Variants in NEK5 observed in about 807,000 individuals in gnomAD.
NEK5 encodes serine/threonine-protein kinase Nek5.
In NEK5, 88 loss-of-function variants were observed where a neutral mutation model predicts 109.2. The observed-to-expected ratio is 0.81, with a 90% CI of 0.68 to 0.96. NEK5 has a LOEUF of 0.96. Ranked by LOEUF, NEK5 falls within the 40% of genes least tolerant of loss-of-function variation. NEK5 has a pLI of 0.00. For synonymous variants in NEK5, 283 were observed against 299.9 expected (o/e 0.94, Z 0.58); for missense variants, 834 against 920.7 (o/e 0.91, Z 1.22).
intron 7 of NEK5, among the ~76,000 whole-genome samples, chr13:52,109,786 C>T (rs1955722339): frequency 6.6e-6 from 1 of 152,162 alleles, no homozygotes; most frequent in African/African-American, 2.4e-5. Context: ...AGTTTTTAAT[C>T]TACCTATGAC....
intron 20 of NEK5, among the ~76,000 whole-genome samples, 168 bp downstream of exon 20, chr13:52,071,776 C>A (rs1032356802): frequency 6.6e-6 from 1 of 152,140 alleles, no homozygotes; most frequent in Non-Finnish European, 1.5e-5. Flanking sequence ...GGGAGTGTGG[C>A]CACTGCATGG....
intron 17 of NEK5, among the ~76,000 whole-genome samples, chr13:52,080,344 G>A (rs1296211983): frequency 6.7e-6 from 1 of 149,362 alleles, no homozygotes. Flanking sequence ...GCCCCTACTG[G>A]GAAGTGAGAA....
intron 4 of NEK5, among the ~76,000 whole-genome samples, chr13:52,116,235 C>T (rs1443300460): frequency 2.0e-5 from 3 of 150,524 alleles, no homozygotes; most frequent in Non-Finnish European, 4.4e-5. Context: ...ATCTTCCAAT[C>T]ACTTGCTGTA....
rs751514665 is a variant in NEK5, at chr13:52,101,964, T to G, written c.861A>C (p.Pro287=). 1 of 1,614,200 alleles carries G rather than the reference T, an allele frequency of 6.2e-7. No homozygotes were observed. Among genetic ancestry groups the G allele is most frequent in the Non-Finnish European group, 8.5e-7 (1 of 1,180,036 alleles). The part of the protein sequence containing the change: ...SHMLICRAGA[P]ASRHAGKVVQ... ...CCACCTTCCCAGCATGTCGAGAAGC[T>G]GGCGCTCCTGCTCTGCATATAAGCA... Residue 287 remains proline, a synonymous_variant, in exon 11 of 24, where the codon CCA becomes CCC. Coordinates refer to ENST00000684899, the MANE Select transcript of NEK5 (RefSeq NM_001365552.1).
chr13:52,045,130 C>CTTTTTTT (rs374051509), intron 23 of NEK5, among the ~76,000 whole-genome samples: 5 of 108,698 alleles, frequency 4.6e-5, no homozygotes, highest in Non-Finnish European at 7.1e-5. Context: ...AATAAAAAAT[C>CTTTTTTT]TTTTTTTTTT....
At chr13:52,101,906 T>C (rs1381954758) in intron 11 of NEK5, 27 bp downstream of exon 11, 1 of 1,581,436 alleles carries the variant, frequency 6.3e-7, no homozygotes, top group Non-Finnish European at 8.7e-7. Context: ...ATAAATACTT[T>C]TGATTGCATG....
chr13:52,104,665 C>G, intron 8 of NEK5, 113 bp from the exon 9 acceptor site: 1 of 737,078 alleles, frequency 1.4e-6, no homozygotes, highest in South Asian at 1.6e-5. Context: ...GTAAGTTGAT[C>G]AGCTTTTACA....
rs555796598 is a variant in NEK5 at position 52,105,376 on chromosome 13, G to C, written c.555-824C>G. On this transcript the variant is annotated intron_variant, in intron 8 of 23. Transcript: ENST00000684899. Reference sequence around the variant, plus strand: ...AGATTGGTGGGAAACAAATTTGTGGGATTTTTTTTAATAATTTTTTTTTTC... The same window carrying C: ...AGATTGGTGGGAAACAAATTTGTGGCATTTTTTTTAATAATTTTTTTTTTC... Among the ~76,000 whole-genome samples, 6 of 151,960 alleles carry C rather than the reference G, an allele frequency of 3.9e-5. No homozygotes were observed. The South Asian group carries it at 8.3e-4, about 21-fold the overall frequency.
rs1276559755 is a variant in NEK5 at position 52,064,242 on chromosome 13, C to T, written c.1975+1242G>A. Among the ~76,000 whole-genome samples the T allele has an allele frequency of 8.8e-3, 1,249 of 142,120 alleles. 2 individuals are homozygous for T. The highest frequency in any genetic ancestry group is 0.032 in the African/African-American group (1,194 of 37,884). The allele number at this position is 142,120 out of a possible 152,430, so 93.2% of individuals were successfully genotyped here. On this transcript the variant is annotated intron_variant, in intron 21 of 23. Transcript: ENST00000684899. ...GAGGGAGGTGGGGGGGTCAGCCCCCCGCCCAGCCAGCCGCCCCGTCCGGGA... is the reference window on the plus strand; with the variant it reads ...GAGGGAGGTGGGGGGGTCAGCCCCCTGCCCAGCCAGCCGCCCCGTCCGGGA...
chr13:52,074,081 C>T (rs932082500), intron 19 of NEK5, among the ~76,000 whole-genome samples: 1 of 152,020 alleles, frequency 6.6e-6, no homozygotes, highest in African/African-American at 2.4e-5. Context: ...AACACTATTC[C>T]TGTCAAACTA....
At chr13:52,062,304 T>A (rs1954619927) in intron 21 of NEK5, among the ~76,000 whole-genome samples, 1 of 152,212 alleles carries the variant, frequency 6.6e-6, no homozygotes, top group Non-Finnish European at 1.5e-5. Flanking sequence ...CATGTACAAA[T>A]TTTAGCTCCC....
Position 52,099,833 on chromosome 13 carries a change from T to C in NEK5, c.936A>G (p.Pro312=), listed in dbSNP as rs560363980. The C allele has an allele frequency of 1.6e-5, 26 of 1,613,882 alleles. 2 individuals are homozygous for C. The South Asian group carries it at 2.9e-4, about 18-fold the overall frequency. The change falls in exon 12 of 24, where the codon CCA becomes CCG. Residue 312 remains proline, a synonymous_variant. Coordinates refer to ENST00000684899, the MANE Select transcript of NEK5 (RefSeq NM_001365552.1). The part of the protein sequence containing the change: ...QKVRFQGKCP[P]RSRISVPIKR... ...TAATTGGCACAGATATCCTTGATCT[T>C]GGTGGGCACTTTCCCTGGAATCTCA...
chr13:52,119,902 C>T (rs1955936041), intron 3 of NEK5, among the ~76,000 whole-genome samples: 1 of 152,142 alleles, frequency 6.6e-6, no homozygotes, highest in South Asian at 2.1e-4. Context: ...TCTTGCATGA[C>T]TTCATTTTAG....
At chr13:52,068,389 A>T (rs528809416) in intron 20 of NEK5, among the ~76,000 whole-genome samples, 2 of 152,106 alleles carry the variant, frequency 1.3e-5, no homozygotes, top group South Asian at 4.1e-4. Context: ...TAAATACCTC[A>T]GTAAGGTTTT....
intron 22 of NEK5, among the ~76,000 whole-genome samples, chr13:52,052,406 G>A (rs1031485329): frequency 2.0e-5 from 3 of 152,156 alleles, no homozygotes; most frequent in Admixed American, 2.0e-4. Flanking sequence ...TGAACACTTG[G>A]AGGTTATGGG....
chr13:52,043,154 T>A (rs1293769249), intron 23 of NEK5, among the ~76,000 whole-genome samples: 2 of 151,908 alleles, frequency 1.3e-5, no homozygotes, highest in Non-Finnish European at 2.9e-5. Context: ...AAATAGAACT[T>A]AATGCAAACA....
intron 13 of NEK5, among the ~76,000 whole-genome samples, chr13:52,092,452 T>C (rs997180018): frequency 6.6e-6 from 1 of 150,892 alleles, no homozygotes; most frequent in East Asian, 1.9e-4. Flanking sequence ...AGGCTGGGAA[T>C]AGTGGCTCTT....
intron 17 of NEK5, chr13:52,082,376 G>C: frequency 8.5e-7 from 1 of 1,175,150 alleles, no homozygotes; most frequent in Non-Finnish European, 1.1e-6. Context: ...TTCTTACTAA[G>C]CAAAAATAAA....
intron 3 of NEK5, among the ~76,000 whole-genome samples, chr13:52,123,341 A>G (rs139084379): frequency 0.016 from 2,382 of 152,318 alleles, 73 homozygotes; most frequent in Admixed American, 0.081. Context: ...TCATGAGTAA[A>G]GTGATGAAAA....
Sources: gnomAD v4.1 joint callset for allele counts (sites outside exome capture counted in the v4.1 genomes callset) on GRCh38, gnomAD v4.1.1 for gene constraint, MANE v1.5 for transcripts, NCBI Gene and HGNC (gene_info 2026-07-23, HGNC 2026-07-21) for gene names.